SLC35A1: variants seen among roughly 807,000 people sequenced by gnomAD.
The protein encoded by SLC35A1 is solute carrier family 35 member A1, also known as CMP-sialic acid transporter.
SLC35A1 carries 21 observed loss-of-function variants against 40.3 expected under a neutral mutation model. The ratio of observed to expected loss-of-function variants is 0.52; its 90% CI spans 0.37 to 0.75. The LOEUF is 0.75. SLC35A1 is among the 30% of genes least tolerant of loss of function. The pLI is 0.00. For missense variants in SLC35A1, 297 were observed against 382.1 expected (o/e 0.78, Z 1.86); for synonymous variants, 146 against 147.3 (o/e 0.99, Z 0.06).
At chr6:87,477,620 T>C (rs1769113682) in intron 2 of SLC35A1, 81 bp downstream of exon 2, 1 of 1,197,696 alleles carries the variant, frequency 8.3e-7, no homozygotes, top group Non-Finnish European at 1.2e-6. Flanking sequence ...GCTACATCTT[T>C]ATATGTTTAA....
At chr6:87,478,224 G>A (rs1163002349) in intron 2 of SLC35A1, among the ~76,000 whole-genome samples, 1 of 152,198 alleles carries the variant, frequency 6.6e-6, no homozygotes. Context: ...GTATAAGAGA[G>A]GGTTAAGAAT....
intron 1 of SLC35A1, 53 bp from the exon 2 acceptor site, chr6:87,477,309 A>G (rs1769104853): frequency 2.2e-6 from 3 of 1,389,644 alleles, no homozygotes; most frequent in Non-Finnish European, 2.0e-6. Context: ...TTATTAACTT[A>G]TATATACATA....
intron 2 of SLC35A1, among the ~76,000 whole-genome samples, chr6:87,489,274 G>A (rs1769474514): frequency 7.9e-6 from 1 of 126,210 alleles, no homozygotes; most frequent in African/African-American, 3.1e-5. Flanking sequence ...GAGGTGTTTA[G>A]GTTGTGGGGG....
intron 7 of SLC35A1, 47 bp from the exon 8 acceptor site, chr6:87,511,352 T>C: frequency 1.2e-6 from 2 of 1,607,580 alleles, no homozygotes; most frequent in Non-Finnish European, 1.7e-6. Context: ...CATTAGGCAT[T>C]TTAAAGACAC....
intron 1 of SLC35A1, among the ~76,000 whole-genome samples, chr6:87,473,815 T>C (rs771090372): frequency 5.9e-5 from 9 of 152,234 alleles, no homozygotes; most frequent in Middle Eastern, 3.2e-3. Flanking sequence ...CCAGGAGAAG[T>C]TGGGCAACAC....
At chr6:87,508,982 C>T in intron 6 of SLC35A1, 59 bp from the exon 7 acceptor site, 1 of 1,580,962 alleles carries the variant, frequency 6.3e-7, no homozygotes, top group African/African-American at 1.3e-5. Context: ...AATTGCCTCA[C>T]CATTATGTAA....
At chr6:87,494,533 C>T (rs183146361) in intron 2 of SLC35A1, among the ~76,000 whole-genome samples, 1 of 150,388 alleles carries the variant, frequency 6.6e-6, no homozygotes, top group African/African-American at 2.4e-5. Flanking sequence ...TGCCATTCTT[C>T]TGCCTCAGCC....
chr6:87,507,734 GAT>G (rs1312230457), intron 5 of SLC35A1, among the ~76,000 whole-genome samples: 1 of 150,224 alleles, frequency 6.7e-6, no homozygotes, highest in African/African-American at 2.4e-5. Flanking sequence ...TAAATCCAGA[GAT>G]AGGGGACTTT....
intron 2 of SLC35A1, among the ~76,000 whole-genome samples, chr6:87,483,660 G>C (rs568332580): frequency 2.0e-5 from 3 of 151,654 alleles, no homozygotes; most frequent in South Asian, 2.1e-4. Flanking sequence ...GCCGTGGAAG[G>C]CTCAACCCCT....
At chr6:87,483,430 C>G (rs187253118) in intron 2 of SLC35A1, among the ~76,000 whole-genome samples, 17 of 152,150 alleles carry the variant, frequency 1.1e-4, no homozygotes, top group African/African-American at 4.1e-4. Context: ...GAGGTTCAGC[C>G]CCCCACAATG....
At chr6:87,478,306 C>T (rs1769133113) in intron 2 of SLC35A1, among the ~76,000 whole-genome samples, 2 of 152,140 alleles carry the variant, frequency 1.3e-5, no homozygotes, top group South Asian at 4.1e-4. Context: ...CACTTGTAAC[C>T]TCTTTAAGCT....
intron 1 of SLC35A1, among the ~76,000 whole-genome samples, chr6:87,474,473 A>G (rs1302484730): frequency 6.6e-6 from 1 of 152,244 alleles, no homozygotes; most frequent in African/African-American, 2.4e-5. Flanking sequence ...GGAACAATGC[A>G]GGGTTAAGAT....
At chr6:87,495,902 A>G (rs1769712235) in intron 2 of SLC35A1, among the ~76,000 whole-genome samples, 2 of 152,026 alleles carry the variant, frequency 1.3e-5, no homozygotes, top group South Asian at 2.1e-4. Context: ...TGATCCGCCC[A>G]CCTCAACCTC....
At chr6:87,487,099 T>A (rs1434804564) in intron 2 of SLC35A1, among the ~76,000 whole-genome samples, 1 of 151,964 alleles carries the variant, frequency 6.6e-6, no homozygotes, top group Non-Finnish European at 1.5e-5. Context: ...TTGCTTGAAC[T>A]TGGGAGGCAG....
At chr6:87,474,934 T>A (rs1390996560) in intron 1 of SLC35A1, among the ~76,000 whole-genome samples, 1 of 152,208 alleles carries the variant, frequency 6.6e-6, no homozygotes, top group Non-Finnish European at 1.5e-5. Context: ...CAATATTTGG[T>A]TTAGTGTTTA....
chr6:87,492,548 T>A (rs1296916020), intron 2 of SLC35A1, among the ~76,000 whole-genome samples: 1 of 94,536 alleles, frequency 1.1e-5, no homozygotes, highest in African/African-American at 4.4e-5. Flanking sequence ...TATCTTGATT[T>A]TTTTTTTTTT....
rs914231097 is a variant in SLC35A1 at position 87,499,426 on chromosome 6, C to G, written c.195-1082C>G. On this transcript the variant is annotated intron_variant, in intron 2 of 7. Coordinates refer to ENST00000369552, the MANE Select transcript of SLC35A1 (RefSeq NM_006416.5). Reference sequence around the variant, plus strand: ...AAGCACTTCTTTTGGGGTATTGGTGCTTATTATAAAACATTGCTTTATTTT... The same window carrying G: ...AAGCACTTCTTTTGGGGTATTGGTGGTTATTATAAAACATTGCTTTATTTT... 1.5e-4 allele frequency among the ~76,000 whole-genome samples: 23 copies of G among 152,214 alleles called. No individual in the cohort carries two copies. The East Asian group carries it at 3.9e-3, about 25-fold the overall frequency.
chr6:87,510,948 C>T (rs1328554060), intron 7 of SLC35A1, among the ~76,000 whole-genome samples: 2 of 151,782 alleles, frequency 1.3e-5, no homozygotes, highest in Non-Finnish European at 1.5e-5. Context: ...GCCTCATCTC[C>T]GATTAAGAAA....
intron 2 of SLC35A1, chr6:87,488,417 G>A (rs1769448399): frequency 6.6e-6 from 1 of 152,212 alleles, no homozygotes; most frequent in Admixed American, 6.5e-5. Context: ...AGAAATGGAA[G>A]GCAGCTTGTT....
Sources: allele counts gnomAD v4.1 joint callset (sites outside exome capture counted in the v4.1 genomes callset), GRCh38; gene constraint gnomAD v4.1.1; transcripts MANE v1.5; gene names NCBI Gene and HGNC (gene_info 2026-07-23, HGNC 2026-07-21).